MYOM1: variants seen among roughly 807,000 people sequenced by gnomAD.
MYOM1 encodes myomesin 1, also known as myomesin-1.
MYOM1 carries 164 observed loss-of-function variants against 205.3 expected under a neutral mutation model. The ratio of observed to expected loss-of-function variants is 0.80; its 90% CI spans 0.70 to 0.91. MYOM1 has a LOEUF of 0.91. MYOM1 is among the 40% of genes least tolerant of loss of function. MYOM1 has a pLI of 0.00. For synonymous variants in MYOM1, 772 were observed against 789.4 expected, an observed-to-expected ratio of 0.98 and a Z score of 0.37; for missense variants, 2,011 against 2,127.3, an observed-to-expected ratio of 0.95 and a Z score of 1.08.
rs751657552 is a variant in MYOM1, at chr18:3,174,022, C to G, written c.1112-22G>C. On this transcript the variant is annotated intron_variant, in intron 7 of 37. Coordinates refer to ENST00000356443, the MANE Select transcript of MYOM1 (RefSeq NM_003803.4). ...TACCCTAGAGAAGAAAACAGAAACG[C>G]ATGTGAACTGCTTTGTGATCGATTT... 9 of 1,610,446 alleles carry G rather than the reference C, an allele frequency of 5.6e-6. No homozygotes were observed. In the South Asian group the frequency reaches 7.7e-5, roughly 14 times the overall value.
intron 9 of MYOM1, among the ~76,000 whole-genome samples, chr18:3,165,786 G>C (rs901052176): frequency 6.6e-6 from 1 of 152,084 alleles, no homozygotes; most frequent in Non-Finnish European, 1.5e-5. Flanking sequence ...CCTCCATGCC[G>C]AGCCCCTTCT....
In MYOM1 at chr18:3,100,277, C is replaced by G. The variant is rs372722947; in HGVS notation, c.3682+43G>C. ...AGTCACTTAAGAATAACTGAGAATT[C>G]AAAGCAACATTCGATGTGTGAATGC... On this transcript the variant is annotated intron_variant, in intron 24 of 37. Coordinates refer to ENST00000356443, the MANE Select transcript of MYOM1 (RefSeq NM_003803.4). 877 of 1,612,568 alleles carry G rather than the reference C, an allele frequency of 5.4e-4. 15 individuals are homozygous for G. The South Asian group carries it at 9.0e-3, about 17-fold the overall frequency.
chr18:3,224,996 A>G, the MYOM1 span, among the ~76,000 whole-genome samples: 1 of 141,212 alleles, frequency 7.1e-6, no homozygotes, highest in Non-Finnish European at 1.5e-5. Context: ...ATTTTATTTT[A>G]TTTTATTTTG....
At chr18:3,123,395 C>T (rs1207902397) in intron 19 of MYOM1, among the ~76,000 whole-genome samples, 1 of 151,882 alleles carries the variant, frequency 6.6e-6, no homozygotes, top group Non-Finnish European at 1.5e-5. Context: ...TAAAAATATA[C>T]TGAAAATATA....
rs1339470105 is a variant in MYOM1 at position 3,189,604 on chromosome 18, C to G, written c.432-517G>C. Among the ~76,000 whole-genome samples, 1 of 152,228 alleles carries G rather than the reference C, an allele frequency of 6.6e-6. No homozygotes were observed. The highest frequency in any genetic ancestry group is 1.5e-5 in the Non-Finnish European group (1 of 68,042). On this transcript the variant is annotated intron_variant, in intron 3 of 37. Transcript: ENST00000356443. This position sits in a 1 kb window ranked among gnomAD's most constrained non-coding sequence, Gnocchi z 4.8. ...CGAATTCCTGACCTGAGGTGATCCA[C>G]CAGCCTTGGCCTCCCAAAGTGCTGG...
intron 29 of MYOM1, among the ~76,000 whole-genome samples, chr18:3,086,520 T>A (rs1217717775): frequency 1.6e-4 from 25 of 152,194 alleles, no homozygotes; most frequent in Admixed American, 1.6e-3. Flanking sequence ...CAGGCTGTGT[T>A]ACAAAAACAA....
intron 25 of MYOM1, 71 bp from the exon 26 acceptor site, chr18:3,094,377 G>GT: frequency 4.9e-5 from 41 of 836,400 alleles, no homozygotes; most frequent in African/African-American, 6.6e-5. Flanking sequence ...TTTCCATCAA[G>GT]TGAAAAAAAA....
the MYOM1 span, among the ~76,000 whole-genome samples, chr18:3,236,163 ACACTT>A: frequency 0.079 from 12,035 of 152,212 alleles, 515 homozygotes; most frequent in African/African-American, 0.11. Flanking sequence ...AGGTGGTAGG[ACACTT>A]CACTTCACCA....
intron 20 of MYOM1, among the ~76,000 whole-genome samples, chr18:3,119,537 C>T (rs2079654435): frequency 2.0e-5 from 3 of 152,120 alleles, no homozygotes; most frequent in Non-Finnish European, 2.9e-5. Context: ...TTTAAGTGGC[C>T]TTTCAGAAGC....
intron 14 of MYOM1, among the ~76,000 whole-genome samples, chr18:3,138,684 T>C (rs941933677): frequency 3.9e-5 from 6 of 152,222 alleles, no homozygotes; most frequent in Non-Finnish European, 7.3e-5. Context: ...ATCAGTTGTT[T>C]ATACTCTCAT....
intron 14 of MYOM1, among the ~76,000 whole-genome samples, chr18:3,138,877 G>A (rs141648463): frequency 2.0e-5 from 3 of 152,142 alleles, no homozygotes; most frequent in Non-Finnish European, 4.4e-5. Context: ...TTGGATTTAC[G>A]CACCTGAACC....
intron 33 of MYOM1, among the ~76,000 whole-genome samples, chr18:3,082,200 C>T (rs1422003115): frequency 1.3e-5 from 2 of 152,194 alleles, no homozygotes; most frequent in African/African-American, 4.8e-5. Context: ...TGTTACACGG[C>T]CCAGCTCCTA....
chr18:3,104,538 A>C (rs1378037349), intron 22 of MYOM1, among the ~76,000 whole-genome samples: 2 of 152,182 alleles, frequency 1.3e-5, no homozygotes, highest in Admixed American at 6.5e-5. Context: ...TTCTGAAAAC[A>C]AAATAGCCAC....
intron 13 of MYOM1, among the ~76,000 whole-genome samples, chr18:3,148,746 T>C (rs566552401): frequency 7.8e-4 from 112 of 144,320 alleles, no homozygotes; most frequent in Middle Eastern, 3.7e-3. Flanking sequence ...CTCGGGAGGC[T>C]GAGGCAGGAG....
Position 3,154,986 on chromosome 18 carries a change from A to G in MYOM1, c.1604T>C (p.Val535Ala). 1 of 1,613,076 alleles carries G rather than the reference A, an allele frequency of 6.2e-7. No individual in the cohort carries two copies. The highest frequency in any genetic ancestry group is 8.5e-7 in the Non-Finnish European group (1 of 1,179,508). ...YIIISWKQPA[V>A]DGGSPILGYF... Reference sequence around the variant, plus strand: ...TCCGAGAATAGGACTCCCTCCATCGACAGCTGGCTGTTTCCAGGAGATGAT... The same window carrying G: ...TCCGAGAATAGGACTCCCTCCATCGGCAGCTGGCTGTTTCCAGGAGATGAT... Residue 535 changes from valine (V) to alanine (A), a missense_variant, in exon 11 of 38, where the codon GTC (valine) becomes GCC (alanine). By Grantham distance (64) the Val-to-Ala change is moderately conservative. Transcript: ENST00000356443.
At chr18:3,143,900 C>CA (rs55830599) in intron 13 of MYOM1, among the ~76,000 whole-genome samples, 11,218 of 49,142 alleles carry the variant, frequency 0.23, 1,567 homozygotes, top group African/African-American at 0.29. Flanking sequence ...GACCCTGTCT[C>CA]AAAAAAAAAA....
intron 9 of MYOM1, among the ~76,000 whole-genome samples, 163 bp downstream of exon 9, chr18:3,168,654 A>G (rs1175493762): frequency 6.6e-6 from 1 of 152,188 alleles, no homozygotes; most frequent in African/African-American, 2.4e-5. Context: ...ATCTCCACAA[A>G]TATGAAAGTG....
chr18:3,184,656 C>T lies in MYOM1; in HGVS notation c.929+2824G>A, dbSNP rs143572630. Among the ~76,000 whole-genome samples the T allele has an allele frequency of 1.9e-3, 295 of 152,242 alleles. 2 individuals carry two copies. Among genetic ancestry groups the T allele is most frequent in the Middle Eastern group, 3.4e-3 (1 of 294 alleles). On this transcript the variant is annotated intron_variant, in intron 5 of 37. Coordinates refer to ENST00000356443, the MANE Select transcript of MYOM1 (RefSeq NM_003803.4). ...CAGAGCTCACTGAAGCCTTGTTGTT[C>T]GTTTGTTTTAATATTTATTTTCCAC... is the stretch of plus-strand genomic sequence containing the variant.
At chr18:3,224,028 A>ATTTT (rs550455569), upstream of MYOM1, among the ~76,000 whole-genome samples, 3 of 138,656 alleles carry the variant, frequency 2.2e-5, no homozygotes, top group Non-Finnish European at 3.1e-5. Flanking sequence ...CTAACATTAG[A>ATTTT]TTTTTTTTTT....
Sources: allele counts gnomAD v4.1 joint callset (sites outside exome capture counted in the v4.1 genomes callset), GRCh38; gene constraint gnomAD v4.1.1; non-coding constraint Gnocchi (gnomAD v3.1); transcripts MANE v1.5; gene names NCBI Gene and HGNC (gene_info 2026-07-23, HGNC 2026-07-21).